The following LGI1 variants were observed in gnomAD, a reference collection of about 807,000 sequenced individuals.
LGI1 encodes leucine-rich glioma-inactivated protein 1.
Under a neutral mutation model 57.7 loss-of-function variants are expected in LGI1, and 11 were observed. That is an observed-to-expected ratio of 0.19 (90% CI 0.12 to 0.32). The LOEUF (loss-of-function observed/expected upper bound fraction) is 0.32, where lower values mean the gene tolerates loss of function less well. Among genes scored for constraint, LGI1 ranks in the 10% least tolerant of loss-of-function variants. The pLI, the probability that LGI1 is intolerant of heterozygous loss-of-function variation, is 1.00. For synonymous variants in LGI1, 222 were observed against 241.9 expected, an observed-to-expected ratio of 0.92 and a Z score of 0.76; for missense variants, 422 against 661.9, an observed-to-expected ratio of 0.64 and a Z score of 3.98.
chr10:93,783,387 T>A (rs2059866536), intron 4 of LGI1, among the ~76,000 whole-genome samples: 1 of 152,046 alleles, frequency 6.6e-6, no homozygotes, highest in Non-Finnish European at 1.5e-5. Context: ...AATAAATAAA[T>A]AAGTAAATAA....
intron 2 of LGI1, among the ~76,000 whole-genome samples, chr10:93,774,060 G>T (rs1341614088): frequency 6.6e-6 from 1 of 152,158 alleles, no homozygotes; most frequent in Non-Finnish European, 1.5e-5. Context: ...GCTACACGTA[G>T]TTATAGGGAC....
intron 4 of LGI1, among the ~76,000 whole-genome samples, chr10:93,785,681 T>C (rs1197055090): frequency 6.6e-6 from 1 of 152,218 alleles, no homozygotes; most frequent in Non-Finnish European, 1.5e-5. Flanking sequence ...TCTGTGAAGC[T>C]GGGAGTGGGA....
In LGI1 at chr10:93,795,895, T is replaced by A. The variant is rs551486903; in HGVS notation, c.839-1073T>A. On this transcript the variant is annotated intron_variant, in intron 7 of 7. Coordinates refer to ENST00000371418, the MANE Select transcript of LGI1 (RefSeq NM_005097.4). ...CCCTGAAAAGAGTCAGAAATAAAAC[T>A]ATTTTGCCTATGGATGAAGCCAATT... 8.5e-5 allele frequency among the ~76,000 whole-genome samples: 13 copies of A among 152,358 alleles called. No homozygotes were observed. The East Asian group carries it at 2.5e-3, about 29-fold the overall frequency.
At chr10:93,759,298 C>T (rs183392715) in intron 2 of LGI1, 269 of 168,182 alleles carry the variant, frequency 1.6e-3, no homozygotes, top group Non-Finnish European at 1.8e-3. Flanking sequence ...CTAGGTAATT[C>T]CTTAAAATGT....
chr10:93,783,541 G>A (rs1405273376), intron 4 of LGI1, among the ~76,000 whole-genome samples: 1 of 152,144 alleles, frequency 6.6e-6, no homozygotes, highest in Admixed American at 6.5e-5. Context: ...CCTTCCTGAG[G>A]TGGGGGTCCA....
chr10:93,760,546 G>A (rs1000046850), intron 2 of LGI1, among the ~76,000 whole-genome samples: 1 of 152,224 alleles, frequency 6.6e-6, no homozygotes, highest in African/African-American at 2.4e-5. Flanking sequence ...AGTAGTGTCA[G>A]TAGACACTAG....
At chr10:93,780,087 TA>T (rs747121776) in intron 4 of LGI1, among the ~76,000 whole-genome samples, 5 of 152,236 alleles carry the variant, frequency 3.3e-5, no homozygotes, top group Non-Finnish European at 7.3e-5. Flanking sequence ...AGTCCCACCT[TA>T]GAGAAGCTCA....
chr10:93,759,801 A>G (rs1019764964), intron 2 of LGI1, among the ~76,000 whole-genome samples: 10 of 152,328 alleles, frequency 6.6e-5, no homozygotes, highest in African/African-American at 2.2e-4. Context: ...TTGAAGTTAC[A>G]TACACAGAGG....
intron 7 of LGI1, 49 bp downstream of exon 7, chr10:93,793,399 C>T (rs906016145): frequency 1.3e-6 from 2 of 1,492,084 alleles, no homozygotes; most frequent in African/African-American, 1.4e-5. Flanking sequence ...ACTGCTTCAG[C>T]CAAGGGCAAC....
intron 2 of LGI1, among the ~76,000 whole-genome samples, chr10:93,761,418 C>T (rs7093815): frequency 0.024 from 3,688 of 152,232 alleles, 139 homozygotes; most frequent in African/African-American, 0.085. Context: ...GAAGACAGTT[C>T]GTTGGTTTCT....
intron 3 of LGI1, 41 bp from the exon 4 acceptor site, chr10:93,777,505 T>C: frequency 6.2e-7 from 1 of 1,605,922 alleles, no homozygotes; most frequent in Non-Finnish European, 8.5e-7. Context: ...ACTCTCAAGT[T>C]CCTGTAACTG....
chr10:93,795,730 G>A (rs576888720), intron 7 of LGI1, among the ~76,000 whole-genome samples: 1 of 152,166 alleles, frequency 6.6e-6, no homozygotes, highest in Admixed American at 6.5e-5. Flanking sequence ...ACAATCACAC[G>A]CAATGAGCCA....
intron 2 of LGI1, chr10:93,769,488 A>G (rs2059712699): frequency 6.6e-6 from 1 of 152,188 alleles, no homozygotes; most frequent in African/African-American, 2.4e-5. Context: ...AGATCTAAGT[A>G]AGAGCTCTTC....
intron 2 of LGI1, chr10:93,767,398 C>T (rs185171138): frequency 6.6e-6 from 1 of 152,282 alleles, no homozygotes; most frequent in African/African-American, 2.4e-5. Flanking sequence ...CGTTCTATCC[C>T]TGCTTGGTTA....
At chr10:93,778,873 G>A (rs142001678) in intron 4 of LGI1, 4 of 152,304 alleles carry the variant, frequency 2.6e-5, no homozygotes, top group South Asian at 2.1e-4. Context: ...GTGTCCACGC[G>A]GTTGTCACTC....
Position 93,758,607 on chromosome 10 carries a change from C to T in LGI1, c.216-153C>T. On this transcript the variant is annotated intron_variant, in intron 1 of 7. Coordinates refer to ENST00000371418, the MANE Select transcript of LGI1 (RefSeq NM_005097.4). The surrounding 1 kb of genome is among the most constrained non-coding windows in gnomAD (Gnocchi z 4.7). ...ACCTGTAGCCGATTCATTTCTCTTA[C>T]TTCATCTGGGAAGGAATAGTATCGT... is the stretch of plus-strand genomic sequence containing the variant. The T allele has an allele frequency of 1.4e-6, 1 of 702,782 alleles. No homozygotes were observed. The highest frequency in any genetic ancestry group is 2.7e-5 in the East Asian group (1 of 37,292). 43.5% of individuals were successfully genotyped at this position (702,782 alleles called of 1,614,324 possible).
chr10:93,758,521 ATT>A lies in LGI1; in HGVS notation c.215+168_215+169del. ...ACATTTGCTGCATTTAGAATTTTTG[ATT>A]TTTTTAGCTGCTACTGAACATGCTT... On this transcript the variant is annotated intron_variant, in intron 1 of 7. Coordinates refer to ENST00000371418, the MANE Select transcript of LGI1 (RefSeq NM_005097.4). This position sits in a 1 kb window ranked among gnomAD's most constrained non-coding sequence, Gnocchi z 4.7. 1.2e-6 allele frequency: 1 copy of A among 814,752 alleles called. No individual in the cohort carries two copies. The highest frequency in any genetic ancestry group is 2.0e-6 in the Non-Finnish European group (1 of 498,904). The allele number at this position is 814,752 out of a possible 1,614,324, so 50.5% of individuals were successfully genotyped here.
At chr10:93,772,368 A>T (rs2059749898) in intron 2 of LGI1, among the ~76,000 whole-genome samples, 1 of 152,202 alleles carries the variant, frequency 6.6e-6, no homozygotes, top group African/African-American at 2.4e-5. Flanking sequence ...TTAGAAATCT[A>T]TCCTAAGTCT....
intron 4 of LGI1, chr10:93,788,298 G>C (rs762645993): frequency 3.3e-5 from 5 of 152,182 alleles, no homozygotes; most frequent in Non-Finnish European, 5.9e-5. Context: ...TAATTTTGCT[G>C]TATGTGGACA....
Sources: allele counts gnomAD v4.1 joint callset (sites outside exome capture counted in the v4.1 genomes callset), GRCh38; gene constraint gnomAD v4.1.1; non-coding constraint Gnocchi (gnomAD v3.1); transcripts MANE v1.5; gene names NCBI Gene and HGNC (gene_info 2026-07-23, HGNC 2026-07-21).